Variants in OTC observed in about 807,000 individuals in gnomAD.
The protein encoded by OTC is ornithine transcarbamylase, mitochondrial.
OTC carries 3 observed loss-of-function variants against 30.3 expected under a neutral mutation model. The ratio of observed to expected loss-of-function variants is 0.10; its 90% CI spans 0.05 to 0.26. OTC has a LOEUF of 0.26. Ranked by LOEUF, OTC falls within the 10% of genes least tolerant of loss-of-function variation. The pLI is 1.00. For missense variants in OTC, 194 were observed against 260.3 expected (o/e 0.75, Z 1.75); for synonymous variants, 111 against 99.7 (o/e 1.11, Z -0.67).
At chrX:38,368,224 G>A (rs1021692728) in intron 2 of OTC, among the ~76,000 whole-genome samples, 4 of 110,879 alleles carry the variant, frequency 3.6e-5, no homozygotes, top group African/African-American at 1.3e-4. Context: ...GCCGGGCATG[G>A]TGGCACATGC....
chrX:38,355,701 TGATTA>T (rs1262262928), intron 1 of OTC, among the ~76,000 whole-genome samples: 1 of 112,299 alleles, frequency 8.9e-6, no homozygotes, highest in Non-Finnish European at 1.9e-5. Flanking sequence ...CAGTGCACTT[TGATTA>T]TTCACAATGT....
At chrX:38,350,781 T>C (rs1025577279), upstream of OTC, among the ~76,000 whole-genome samples, 2 of 111,225 alleles carry the variant, frequency 1.8e-5, no homozygotes, top group African/African-American at 6.6e-5. Flanking sequence ...GCCTGTACTC[T>C]CTAGCATGGA....
chrX:38,421,054 C>T lies in OTC; in HGVS notation c.1037C>T (p.Ser346Leu), dbSNP rs1303850909. 1 of 1,202,343 alleles carries T rather than the reference C, an allele frequency of 8.3e-7. No homozygotes were observed. The highest frequency in any genetic ancestry group is 3.0e-5 in the East Asian group (1 of 33,780). ...ATGGTGTCCCTGCTGACAGATTACT[C>T]ACCTCAGCTCCAGAAGCCTAAATTT... The part of the protein sequence containing the change: ...AVMVSLLTDY[S>L]PQLQKPKF Residue 346 changes from serine (S) to leucine (L), a missense_variant, in exon 10 of 10, where the codon TCA (serine) becomes TTA (leucine). By Grantham distance (145) the Ser-to-Leu change is moderately radical. Transcript: ENST00000039007.
At chrX:38,341,920 C>T in the OTC span, among the ~76,000 whole-genome samples, 6 of 107,398 alleles carry the variant, frequency 5.6e-5, no homozygotes, top group Admixed American at 2.0e-4. Context: ...CTAGTTTAGA[C>T]GACAAGAGTG....
chrX:38,411,773 C>T, intron 8 of OTC, 89 bp from the exon 9 acceptor site: 1 of 851,847 alleles, frequency 1.2e-6, no homozygotes, highest in Non-Finnish European at 1.7e-6. Flanking sequence ...TGTCTGACTA[C>T]TGGCCATGTG....
chrX:38,363,633 A>C lies in OTC; in HGVS notation c.78-3658A>C, dbSNP rs61522104. Among the ~76,000 whole-genome samples the C allele has an allele frequency of 2.7e-3, 302 of 111,000 alleles. 1 individual carries two copies. Among genetic ancestry groups the C allele is most frequent in the African/African-American group, 9.3e-3 (284 of 30,559 alleles). On this transcript the variant is annotated intron_variant, in intron 1 of 9. Coordinates refer to ENST00000039007, the MANE Select transcript of OTC (RefSeq NM_000531.6). ...TATCAGAAGAAAACACATAACCAAA[A>C]TTTGTACGTAAATACAAATTTTCTG...
chrX:38,408,140 A>G (rs1046095611), intron 6 of OTC, among the ~76,000 whole-genome samples: 1 of 112,170 alleles, frequency 8.9e-6, no homozygotes, highest in Non-Finnish European at 1.9e-5. Flanking sequence ...CAAATATATA[A>G]TCTTAGCAAA....
intron 3 of OTC, among the ~76,000 whole-genome samples, chrX:38,377,482 CAG>C (rs750379021): frequency 1.8e-5 from 2 of 110,906 alleles, no homozygotes; most frequent in East Asian, 5.6e-4. Flanking sequence ...ATATACAAAA[CAG>C]AGACTAAAAA....
the OTC span, among the ~76,000 whole-genome samples, chrX:38,332,504 T>TATATA: frequency 1.3e-4 from 5 of 39,379 alleles, no homozygotes; most frequent in African/African-American, 4.4e-4. Flanking sequence ...GCCCTAGATT[T>TATATA]TATATATATA....
At chrX:38,417,997 A>G (rs1342756697) in intron 9 of OTC, among the ~76,000 whole-genome samples, 1 of 111,936 alleles carries the variant, frequency 8.9e-6, no homozygotes, top group Non-Finnish European at 1.9e-5. Context: ...CTTTGGATAC[A>G]TACTAGGAAA....
At chrX:38,394,896 G>T (rs1018051426) in intron 4 of OTC, among the ~76,000 whole-genome samples, 6 of 111,020 alleles carry the variant, frequency 5.4e-5, no homozygotes, top group African/African-American at 1.6e-4. Flanking sequence ...TAGTTTCTGG[G>T]GGGGGGCAGG....
chrX:38,363,264 G>A (rs1323945036), intron 1 of OTC, among the ~76,000 whole-genome samples: 3 of 112,001 alleles, frequency 2.7e-5, no homozygotes, highest in Non-Finnish European at 3.8e-5. Flanking sequence ...TTCCAGCAAA[G>A]TATTCTTCCC....
At chrX:38,349,223 A>G (rs1467866862), upstream of OTC, among the ~76,000 whole-genome samples, 8 of 111,923 alleles carry the variant, frequency 7.1e-5, no homozygotes, top group Non-Finnish European at 1.3e-4. Flanking sequence ...GAAGGTGGCT[A>G]ATACAGGGTA....
At chrX:38,370,550 G>A (rs1175432812) in intron 3 of OTC, among the ~76,000 whole-genome samples, 6 of 111,329 alleles carry the variant, frequency 5.4e-5, no homozygotes, top group Non-Finnish European at 1.1e-4. Flanking sequence ...AAGTATAAAG[G>A]GGTCACTGGA....
intron 5 of OTC, among the ~76,000 whole-genome samples, chrX:38,402,112 T>C (rs774563761): frequency 1.8e-5 from 2 of 112,145 alleles, no homozygotes; most frequent in South Asian, 7.4e-4. Flanking sequence ...AGGCCCATCT[T>C]CTTCCACATT....
the OTC span, among the ~76,000 whole-genome samples, chrX:38,328,886 T>C: frequency 9.0e-6 from 1 of 111,395 alleles, no homozygotes; most frequent in African/African-American, 3.3e-5. Flanking sequence ...TTTGAAAATA[T>C]TTTAGGTCTT....
At chrX:38,351,783 C>T (rs1283733150), upstream of OTC, among the ~76,000 whole-genome samples, 1 of 111,174 alleles carries the variant, frequency 9.0e-6, no homozygotes, top group Non-Finnish European at 1.9e-5. Context: ...TTTTTTGAGA[C>T]AGTGTCTCTC....
intron 9 of OTC, among the ~76,000 whole-genome samples, chrX:38,420,622 A>G (rs1207269509): frequency 9.0e-6 from 1 of 111,072 alleles, no homozygotes; most frequent in East Asian, 2.8e-4. Flanking sequence ...AAACTTCTCT[A>G]GGCTGCGAGA....
At chrX:38,329,063 A>G in the OTC span, among the ~76,000 whole-genome samples, 3,617 of 112,103 alleles carry the variant, frequency 0.032, 98 homozygotes, top group African/African-American at 0.091. Flanking sequence ...AGAATTTTTA[A>G]AGATTTACTT....
Sources: gnomAD v4.1 joint callset for allele counts (sites outside exome capture counted in the v4.1 genomes callset) on GRCh38, gnomAD v4.1.1 for gene constraint, MANE v1.5 for transcripts, NCBI Gene and HGNC (gene_info 2026-07-23, HGNC 2026-07-21) for gene names.